The following NOL10 variants were observed in gnomAD, a reference collection of about 807,000 sequenced individuals.
The protein encoded by NOL10 is H_NH0074G24.1.
In NOL10, 58 loss-of-function variants were observed where a neutral mutation model predicts 103.5. The observed-to-expected ratio is 0.56, with a 90% CI of 0.45 to 0.70. NOL10 has a LOEUF of 0.70. NOL10 is among the 30% of genes least tolerant of loss of function. The probability of loss-of-function intolerance (pLI) is 0.00; values close to 1 mark genes in which losing one functional copy is unlikely to be tolerated. For missense variants in NOL10, 763 were observed against 807.3 expected, an observed-to-expected ratio of 0.95 and a Z score of 0.67; for synonymous variants, 287 against 282.5, an observed-to-expected ratio of 1.02 and a Z score of -0.16.
At chr2:10,646,932 A>C (rs1488090795) in intron 12 of NOL10, among the ~76,000 whole-genome samples, 1 of 152,268 alleles carries the variant, frequency 6.6e-6, no homozygotes, top group Non-Finnish European at 1.5e-5. Context: ...GAAAAGCAAA[A>C]GATAACCGTA....
intron 6 of NOL10, among the ~76,000 whole-genome samples, chr2:10,671,087 TATGACC>T (rs1558343317): frequency 6.6e-6 from 1 of 152,158 alleles, no homozygotes; most frequent in Non-Finnish European, 1.5e-5. Context: ...CATAACCACA[TATGACC>T]TATTAATCAC....
chr2:10,663,218 A>T (rs900461767), intron 8 of NOL10, among the ~76,000 whole-genome samples, 174 bp from the exon 9 acceptor site: 1 of 152,130 alleles, frequency 6.6e-6, no homozygotes, highest in Admixed American at 6.5e-5. Context: ...AATACAAAAA[A>T]TTAGCTGGGT....
chr2:10,595,559 A>G (rs886923295), intron 17 of NOL10, among the ~76,000 whole-genome samples: 2 of 151,894 alleles, frequency 1.3e-5, no homozygotes, highest in Non-Finnish European at 2.9e-5. Context: ...TGGCCTCCCA[A>G]AATGATGGGA....
rs150499664 is a variant in NOL10 at position 10,573,867 on chromosome 2, G to A, written c.1948-1677C>T. Among the ~76,000 whole-genome samples the A allele has an allele frequency of 6.4e-3, 971 of 152,166 alleles. 29 individuals are homozygous for A. Among genetic ancestry groups the A allele is most frequent in the Non-Finnish European group, 3.9e-3 (266 of 68,010 alleles). Reference sequence around the variant, plus strand: ...TCCCACCCAAGCCCAGGCTGCTGCCGCTCCTAAGCATGGCCACCACGGAGC... The same window carrying A: ...TCCCACCCAAGCCCAGGCTGCTGCCACTCCTAAGCATGGCCACCACGGAGC... On this transcript the variant is annotated intron_variant, in intron 20 of 20. Transcript: ENST00000381685.
In NOL10 at chr2:10,587,101, A is replaced by G. The variant is rs1183359374; in HGVS notation, c.1844+1942T>C. Among the ~76,000 whole-genome samples the G allele has an allele frequency of 5.3e-5, 2 of 37,876 alleles. 1 individual carries two copies. The highest frequency in any genetic ancestry group is 9.7e-5 in the Non-Finnish European group (2 of 20,526). 24.8% of individuals were successfully genotyped at this position (37,876 alleles called of 152,430 possible). On this transcript the variant is annotated intron_variant, in intron 19 of 20. Transcript: ENST00000381685. ...TACATATATATACATATATATACAC[A>G]TATATATACATATATATACATATAT...
chr2:10,617,258 G>A (rs1676884059), intron 13 of NOL10, among the ~76,000 whole-genome samples: 1 of 152,170 alleles, frequency 6.6e-6, no homozygotes, highest in Admixed American at 6.5e-5. Flanking sequence ...CATGTTTGTG[G>A]ATCAGTAAAA....
intron 13 of NOL10, among the ~76,000 whole-genome samples, chr2:10,615,487 A>C (rs765387312): frequency 4.1e-4 from 63 of 152,354 alleles, no homozygotes; most frequent in Admixed American, 1.4e-3. Context: ...GGACGCCCCA[A>C]GCAAACATTT....
Position 10,602,798 on chromosome 2 carries a change from C to A in NOL10, c.1310G>T (p.Arg437Leu). 1.9e-6 allele frequency: 3 copies of A among 1,602,790 alleles called. No individual in the cohort carries two copies. Among genetic ancestry groups the A allele is most frequent in the Non-Finnish European group, 2.6e-6 (3 of 1,171,136 alleles). Residue 437 changes from arginine to leucine, a missense_variant, in exon 16 of 21, where the codon CGT becomes CTT. By Grantham distance (102) the Arg-to-Leu change is moderately radical. Transcript: ENST00000381685. Reference sequence around the variant, plus strand: ...TACCTTTAACTGGACTCTCTGTGCACGTGTTTCTTCTATTTTCTGTCGTAT... The same window carrying A: ...TACCTTTAACTGGACTCTCTGTGCAAGTGTTTCTTCTATTTTCTGTCGTAT... ...DKIRQKIEET[R>L]AQRVQLKKLP...
At chr2:10,575,903 T>C (rs1020874924) in intron 20 of NOL10, among the ~76,000 whole-genome samples, 1 of 152,208 alleles carries the variant, frequency 6.6e-6, no homozygotes, top group African/African-American at 2.4e-5. Flanking sequence ...AATGTGTATT[T>C]GGCTTACGTA....
chr2:10,638,325 G>GTAACGTA (rs1558311245), intron 13 of NOL10, among the ~76,000 whole-genome samples: 17 of 127,256 alleles, frequency 1.3e-4, no homozygotes, highest in African/African-American at 6.4e-4. Context: ...GACGTGACGT[G>GTAACGTA]ACGTGACGTA....
intron 3 of NOL10, among the ~76,000 whole-genome samples, chr2:10,677,278 A>G (rs1681376258): frequency 6.6e-6 from 1 of 152,134 alleles, no homozygotes; most frequent in Non-Finnish European, 1.5e-5. Context: ...GGAGGAACTA[A>G]CTTCACAATG....
chr2:10,578,330 G>A (rs1674561329), intron 19 of NOL10, among the ~76,000 whole-genome samples: 1 of 152,150 alleles, frequency 6.6e-6, no homozygotes, highest in Non-Finnish European at 1.5e-5. Context: ...GTCTGATGAC[G>A]CTGAGAGAAA....
intron 20 of NOL10, among the ~76,000 whole-genome samples, chr2:10,574,700 A>G (rs145081652): frequency 6.6e-6 from 1 of 152,272 alleles, no homozygotes; most frequent in African/African-American, 2.4e-5. Flanking sequence ...CATGTGCTAA[A>G]TACAGATAAA....
chr2:10,689,652 G>C, intron 1 of NOL10, 144 bp downstream of exon 1: 1 of 761,416 alleles, frequency 1.3e-6, no homozygotes, highest in Non-Finnish European at 2.1e-6. Flanking sequence ...CCCGGAAATT[G>C]TCAGCCGCCT....
At chr2:10,623,742 C>T (rs954869833) in intron 13 of NOL10, among the ~76,000 whole-genome samples, 1 of 152,216 alleles carries the variant, frequency 6.6e-6, no homozygotes, top group Non-Finnish European at 1.5e-5. Flanking sequence ...ATTAACACAA[C>T]TATCTAGTTA....
intron 11 of NOL10, among the ~76,000 whole-genome samples, chr2:10,657,268 A>G (rs1679904068): frequency 6.6e-6 from 1 of 152,128 alleles, no homozygotes; most frequent in Non-Finnish European, 1.5e-5. Context: ...CAGTGAGCTG[A>G]GATCATGGCA....
chr2:10,626,007 C>G (rs915798077), intron 13 of NOL10, among the ~76,000 whole-genome samples: 2 of 145,610 alleles, frequency 1.4e-5, no homozygotes, highest in Admixed American at 1.4e-4. Context: ...AACCCTGTCT[C>G]TATGAAAAAA....
chr2:10,615,780 G>A (rs1676802348), intron 13 of NOL10, among the ~76,000 whole-genome samples: 1 of 152,106 alleles, frequency 6.6e-6, no homozygotes, highest in African/African-American at 2.4e-5. Flanking sequence ...ACAGGATGAG[G>A]CACAGGCCCG....
In NOL10 at chr2:10,657,806, T is replaced by C. The variant is rs1679944293; in HGVS notation, c.842A>G (p.Gln281Arg). Residue 281 changes from glutamine (Q) to arginine (R), a missense_variant, in exon 11 of 21, where the codon CAG becomes CGG. Transcript: ENST00000381685. ...AGACAAAATCAGATCTAATGAATCC[T>C]GGAAATGAACGGACTTAATGGGCAG... is the stretch of plus-strand genomic sequence containing the variant. ...YGLPIKSVHF[Q>R]DSLDLILSAD... The C allele has an allele frequency of 1.3e-6, 2 of 1,551,174 alleles. No homozygotes were observed. Among genetic ancestry groups the C allele is most frequent in the East Asian group, 4.9e-5 (2 of 40,900 alleles).
Sources: gnomAD v4.1 joint callset for allele counts (sites outside exome capture counted in the v4.1 genomes callset) on GRCh38, gnomAD v4.1.1 for gene constraint, MANE v1.5 for transcripts, NCBI Gene and HGNC (gene_info 2026-07-23, HGNC 2026-07-21) for gene names.